The following PLCB1 variants were observed in gnomAD, a reference collection of about 807,000 sequenced individuals.
The protein encoded by PLCB1 is phospholipase C beta 1.
A neutral mutation model predicts 161.8 loss-of-function variants in PLCB1; 46 were observed. The ratio of observed to expected loss-of-function variants is 0.28; its 90% CI spans 0.22 to 0.36. PLCB1 has a LOEUF of 0.36. Ranked by LOEUF, PLCB1 falls within the 10% of genes least tolerant of loss-of-function variation. PLCB1 has a pLI of 1.00. For synonymous variants in PLCB1, 517 were observed against 503.7 expected, an observed-to-expected ratio of 1.03 and a Z score of -0.35; for missense variants, 1,016 against 1,472.5, an observed-to-expected ratio of 0.69 and a Z score of 5.07.
intron 2 of PLCB1, among the ~76,000 whole-genome samples, chr20:8,348,435 T>A (rs116550511): frequency 2.4e-3 from 366 of 152,262 alleles, no homozygotes; most frequent in African/African-American, 8.4e-3. Context: ...CTGTGGGAAT[T>A]TGGGGATCTT....
chr20:8,663,484 A>G (rs892917745), intron 9 of PLCB1, among the ~76,000 whole-genome samples: 2 of 152,064 alleles, frequency 1.3e-5, no homozygotes, highest in Non-Finnish European at 2.9e-5. Context: ...GAAGTATGAA[A>G]TGAAACTCCA....
At chr20:8,186,219 C>A (rs1403034543) in intron 2 of PLCB1, among the ~76,000 whole-genome samples, 3 of 152,044 alleles carry the variant, frequency 2.0e-5, no homozygotes, top group Non-Finnish European at 4.4e-5. Context: ...AGCTTTCTAA[C>A]TTTCTGTTAT....
At position 8,344,159 on chromosome 20, in the gene PLCB1, G is replaced by A. The variant is rs190638975; in HGVS notation, c.178-27223G>A. Reference sequence around the variant, plus strand: ...TTGTTGCTGATGTTTGTTTTGTTGGGGGATCTTAGTCCTAATTCTTTTTCT... The same window carrying A: ...TTGTTGCTGATGTTTGTTTTGTTGGAGGATCTTAGTCCTAATTCTTTTTCT... On this transcript the variant is annotated intron_variant, in intron 2 of 31. Transcript: ENST00000338037. Among the ~76,000 whole-genome samples, 4 of 152,238 alleles carry A rather than the reference G, an allele frequency of 2.6e-5. No individual in the cohort carries two copies. The East Asian group carries it at 7.7e-4, about 29-fold the overall frequency.
In PLCB1 at chr20:8,774,711, A is replaced by G; in HGVS notation, c.3103A>G (p.Ile1035Val). 6 of 1,595,320 alleles carry G rather than the reference A, an allele frequency of 3.8e-6. No individual in the cohort carries two copies. Among genetic ancestry groups the G allele is most frequent in the East Asian group, 4.5e-5 (2 of 44,556 alleles). ...YSEKYQKREHIKLLIQKLTDV... is the reference protein window; with the variant it reads ...YSEKYQKREHVKLLIQKLTDV... ...TGAAAAATACCAGAAGCGAGAACAT[A>G]TTAAACTGGTGAGCCTGAGAAACAT... The change falls in exon 27 of 32, where the codon ATT (isoleucine) becomes GTT (valine). Residue 1035 changes from isoleucine (I) to valine (V), a missense_variant. This residue lies in a region of PLCB1 where 398 missense variants were observed against 445.4 expected (regional missense o/e 0.89). Coordinates refer to ENST00000338037, the MANE Select transcript of PLCB1 (RefSeq NM_015192.4).
chr20:8,511,115 CT>C (rs1421183293), intron 3 of PLCB1, among the ~76,000 whole-genome samples: 1 of 152,082 alleles, frequency 6.6e-6, no homozygotes, highest in Non-Finnish European at 1.5e-5. Flanking sequence ...AACTTTGTAC[CT>C]TTTGATTAAC....
chr20:8,499,777 CAA>C (rs1331699373), intron 3 of PLCB1, among the ~76,000 whole-genome samples: 1 of 152,146 alleles, frequency 6.6e-6, no homozygotes, highest in Non-Finnish European at 1.5e-5. Flanking sequence ...GTGTGATTCA[CAA>C]AACTTTTCTC....
intron 3 of PLCB1, among the ~76,000 whole-genome samples, chr20:8,430,991 T>G (rs562778966): frequency 3.9e-5 from 6 of 151,966 alleles, no homozygotes; most frequent in African/African-American, 1.4e-4. Context: ...AATTAAAAAG[T>G]TTTTCCTTAT....
At chr20:8,853,176 G>A (rs920386665) in intron 31 of PLCB1, among the ~76,000 whole-genome samples, 2 of 152,172 alleles carry the variant, frequency 1.3e-5, no homozygotes, top group Non-Finnish European at 2.9e-5. Flanking sequence ...AAATCCAATA[G>A]TATGCTCATG....
chr20:8,705,212 GT>G (rs1978603295), intron 11 of PLCB1, among the ~76,000 whole-genome samples: 1 of 152,060 alleles, frequency 6.6e-6, no homozygotes, highest in South Asian at 2.1e-4. Flanking sequence ...GAGTTGAACA[GT>G]TGCCATAGAA....
At chr20:8,226,710 C>T (rs116862560) in intron 2 of PLCB1, among the ~76,000 whole-genome samples, 7,562 of 147,596 alleles carry the variant, frequency 0.051, 239 homozygotes, top group Middle Eastern at 0.14. Flanking sequence ...TTTTTTGAGA[C>T]GAAATCTCAC....
chr20:8,267,959 T>TTTATTATTATTATTATTATTATTA (rs149671843), intron 2 of PLCB1, among the ~76,000 whole-genome samples: 19 of 148,660 alleles, frequency 1.3e-4, no homozygotes, highest in African/African-American at 4.2e-4. Flanking sequence ...TCCATCTGTC[T>TTTATTATTATTATTATTATTATTA]TTATTATTAT....
At chr20:8,457,795 C>A (rs893850700) in intron 3 of PLCB1, among the ~76,000 whole-genome samples, 1 of 151,920 alleles carries the variant, frequency 6.6e-6, no homozygotes, top group African/African-American at 2.4e-5. Context: ...CTTTACTACT[C>A]CTGGCATGCT....
At chr20:8,816,819 T>A (rs1489574149) in intron 31 of PLCB1, among the ~76,000 whole-genome samples, 1 of 152,208 alleles carries the variant, frequency 6.6e-6, no homozygotes, top group African/African-American at 2.4e-5. Context: ...GTATTCTTCA[T>A]GTTAATGCAA....
At chr20:8,511,912 A>G (rs1027808047) in intron 3 of PLCB1, among the ~76,000 whole-genome samples, 21 of 152,116 alleles carry the variant, frequency 1.4e-4, no homozygotes, top group Non-Finnish European at 1.2e-4. Context: ...AGTTCCTTAT[A>G]TATTTTGGAT....
At chr20:8,774,223 A>AT (rs1458281807) in intron 26 of PLCB1, among the ~76,000 whole-genome samples, 1 of 151,338 alleles carries the variant, frequency 6.6e-6, no homozygotes, top group Non-Finnish European at 1.5e-5. Flanking sequence ...AAACCTGAAA[A>AT]TTTTTTATTA....
At chr20:8,641,013 C>G (rs796924368) in intron 4 of PLCB1, among the ~76,000 whole-genome samples, 17 of 152,188 alleles carry the variant, frequency 1.1e-4, no homozygotes, top group African/African-American at 4.1e-4. Context: ...ATCAGGATAC[C>G]ATTTAGAAGA....
intron 3 of PLCB1, among the ~76,000 whole-genome samples, chr20:8,606,381 G>A (rs1987758322): frequency 6.6e-6 from 1 of 152,010 alleles, no homozygotes; most frequent in Non-Finnish European, 1.5e-5. Flanking sequence ...ACCTCTCTGT[G>A]CCTTCATTTC....
chr20:8,515,648 G>T (rs968633040), intron 3 of PLCB1, among the ~76,000 whole-genome samples: 1 of 152,158 alleles, frequency 6.6e-6, no homozygotes, highest in Admixed American at 6.5e-5. Context: ...TTTATTGTCT[G>T]GTTGTGCATG....
At chr20:8,419,938 T>C (rs1457399859) in intron 3 of PLCB1, among the ~76,000 whole-genome samples, 1 of 152,210 alleles carries the variant, frequency 6.6e-6, no homozygotes, top group African/African-American at 2.4e-5. Flanking sequence ...AGTCCTCAAA[T>C]ATCTATAGCA....
Sources: gnomAD v4.1 joint callset for allele counts (sites outside exome capture counted in the v4.1 genomes callset) on GRCh38, gnomAD v4.1.1 for gene constraint, gnomAD v4.1.1 regional missense constraint, MANE v1.5 for transcripts, NCBI Gene and HGNC (gene_info 2026-07-23, HGNC 2026-07-21) for gene names.